The following VIL1 variants were observed in gnomAD, a reference collection of about 807,000 sequenced individuals.
VIL1 encodes the protein villin 1.
A neutral mutation model predicts 104.0 loss-of-function variants in VIL1; 86 were observed. The observed-to-expected ratio is 0.83, with a 90% CI of 0.69 to 0.99. The LOEUF (loss-of-function observed/expected upper bound fraction) is 0.99, where lower values mean the gene tolerates loss of function less well. Ranked by LOEUF, VIL1 falls within the 50% of genes least tolerant of loss-of-function variation. VIL1 has a pLI of 0.00. For missense variants in VIL1, 944 were observed against 1,054.1 expected, an observed-to-expected ratio of 0.90 and a Z score of 1.45; for synonymous variants, 394 against 412.6, an observed-to-expected ratio of 0.95 and a Z score of 0.55.
At position 218,452,834 on chromosome 2, in the gene VIL1, G is replaced by A. The variant is rs567976270; in HGVS notation, c.*3498G>A. ...CAGTGCCTCTCAAATGCAAAGACAC[G>A]TAAAAGAATTAATAACTAGCCAAAG... On this transcript the variant is annotated 3_prime_UTR_variant, in exon 20 of 20. Transcript: ENST00000248444. 5.3e-5 allele frequency: 8 copies of A among 152,228 alleles called. No homozygotes were observed. The highest frequency in any genetic ancestry group is 8.8e-5 in the Non-Finnish European group (6 of 68,012). The allele number at this position is 152,228 out of a possible 1,614,324, so 9.4% of individuals were successfully genotyped here.
Position 218,435,344 on chromosome 2 carries a change from G to A in VIL1, c.1736G>A (p.Arg579Gln), listed in dbSNP as rs370562667. 8.1e-6 allele frequency: 13 copies of A among 1,614,070 alleles called. No homozygotes were observed. The African/African-American group carries it at 1.2e-4, about 15-fold the overall frequency. ...MAKMVADTIS[R>Q]TEKQVVVEGQ... ...AAGATGGTTGCTGACACCATCTCCCGGACGGAGAAGCAAGTGGTGGTGGAA... is the reference window on the plus strand; with the variant it reads ...AAGATGGTTGCTGACACCATCTCCCAGACGGAGAAGCAAGTGGTGGTGGAA... Residue 579 changes from arginine (R) to glutamine (Q), a missense_variant, in exon 15 of 20, where the codon CGG becomes CAG. Transcript: ENST00000248444.
At chr2:218,443,683 C>A (rs900213310) in intron 19 of VIL1, among the ~76,000 whole-genome samples, 4 of 151,898 alleles carry the variant, frequency 2.6e-5, no homozygotes, top group African/African-American at 9.7e-5. Context: ...GAGACAGAGC[C>A]TCTTTCTGTT....
intron 13 of VIL1, among the ~76,000 whole-genome samples, chr2:218,433,893 G>A (rs6436057): frequency 0.072 from 10,184 of 142,274 alleles, 504 homozygotes; most frequent in Middle Eastern, 0.12. Context: ...GCGAGACTCC[G>A]TCTCAAGGAA....
intron 15 of VIL1, 35 bp from the exon 16 acceptor site, chr2:218,436,447 C>T (rs751923829): frequency 1.9e-6 from 3 of 1,601,552 alleles, no homozygotes; most frequent in Non-Finnish European, 1.7e-6. Flanking sequence ...GCCACACCTT[C>T]CTTCTGCCAG....
At position 218,432,153 on chromosome 2, in the gene VIL1, G is replaced by A. The variant is rs764987788; in HGVS notation, c.1311G>A (p.Glu437=). Residue 437 remains glutamate, a synonymous_variant, in exon 12 of 20, where the codon GAG becomes GAA. Transcript: ENST00000248444. ...YLLLYTYLIG[E]KQHYLLYVWQ... ...TGCTCTACACCTACCTCATCGGCGA[G>A]AAGCAGCATTACCTGCTCTACGTTT... 1.9e-6 allele frequency: 3 copies of A among 1,613,964 alleles called. No individual in the cohort carries two copies. The highest frequency in any genetic ancestry group is 1.7e-4 in the Middle Eastern group (1 of 6,016).
At position 218,438,641 on chromosome 2, in the gene VIL1, ATTTAC is replaced by A; in HGVS notation, c.2161-12_2161-8del. 1 of 1,607,246 alleles carries A rather than the reference ATTTAC, an allele frequency of 6.2e-7. No homozygotes were observed. The highest frequency in any genetic ancestry group is 1.3e-5 in the African/African-American group (1 of 74,962). The stretch of plus-strand genomic sequence containing the variant: ...TGCTGAGATCCAGGTCTAATCTGTT[ATTTAC>A]TTTATGTGCAGAACACCAAATCCTA... On this transcript the variant is annotated splice_polypyrimidine_tract_variant and intron_variant, in intron 17 of 19. Coordinates refer to ENST00000248444, the MANE Select transcript of VIL1 (RefSeq NM_007127.3).
intron 1 of VIL1, among the ~76,000 whole-genome samples, chr2:218,420,578 G>GTTTT (rs71064448): frequency 7.6e-6 from 1 of 131,262 alleles, no homozygotes; most frequent in Non-Finnish European, 1.7e-5. Context: ...ATGAGTATTT[G>GTTTT]TTTTTTTTTT....
In VIL1 at chr2:218,422,118, G is replaced by C. The variant is rs1047312285; in HGVS notation, c.-11-1650G>C. 3.9e-5 allele frequency among the ~76,000 whole-genome samples: 6 copies of C among 152,268 alleles called. No homozygotes were observed. In the East Asian group the frequency reaches 1.2e-3, roughly 29 times the overall value. On this transcript the variant is annotated intron_variant, in intron 1 of 19. Coordinates refer to ENST00000248444, the MANE Select transcript of VIL1 (RefSeq NM_007127.3). ...AAAAATACAAAAATTAGCTGGGCTT[G>C]GTGGCTCGCGCCTGTAATCCCAGCT... is the stretch of plus-strand genomic sequence containing the variant.
At chr2:218,428,658 C>T (rs1201923722) in intron 6 of VIL1, among the ~76,000 whole-genome samples, 3 of 152,024 alleles carry the variant, frequency 2.0e-5, no homozygotes, top group African/African-American at 7.3e-5. Flanking sequence ...AGACTGCAGG[C>T]ATGTTTGGGT....
intron 1 of VIL1, 125 bp from the exon 2 acceptor site, chr2:218,423,643 C>A: frequency 1.2e-6 from 1 of 844,690 alleles, no homozygotes; most frequent in Non-Finnish European, 1.9e-6. Flanking sequence ...GGGGAGTAAC[C>A]CTCTGTGCTC....
At chr2:218,430,322 T>C (rs1036559997) in intron 9 of VIL1, among the ~76,000 whole-genome samples, 4 of 152,066 alleles carry the variant, frequency 2.6e-5, no homozygotes, top group Non-Finnish European at 4.4e-5. Context: ...AAGTCAGAGT[T>C]TGGGGTCATT....
chr2:218,433,513 G>A (rs1286672472), intron 13 of VIL1, among the ~76,000 whole-genome samples: 1 of 152,150 alleles, frequency 6.6e-6, no homozygotes, highest in Non-Finnish European at 1.5e-5. Context: ...TGAGGTGGGT[G>A]GATCACCTGA....
At chr2:218,419,361 T>C (rs1688862548) in intron 1 of VIL1, among the ~76,000 whole-genome samples, 193 bp downstream of exon 1, 1 of 152,084 alleles carries the variant, frequency 6.6e-6, no homozygotes. Context: ...GGAGAGACTT[T>C]TGCAGGCCCT....
In VIL1 at chr2:218,451,951, A is replaced by G. The variant is rs1350965095; in HGVS notation, c.*2615A>G. The stretch of plus-strand genomic sequence containing the variant: ...ATTCTATCCTGCTGAGACAAAACTC[A>G]TGAGTGTGCACACACATGTGAATAT... On this transcript the variant is annotated 3_prime_UTR_variant, in exon 20 of 20. Transcript: ENST00000248444. 1 of 152,668 alleles carries G rather than the reference A, an allele frequency of 6.6e-6. No individual in the cohort carries two copies. The highest frequency in any genetic ancestry group is 2.4e-5 in the African/African-American group (1 of 41,462). 9.5% of individuals were successfully genotyped at this position (152,668 alleles called of 1,614,324 possible). A position where few individuals can be genotyped will look rare whatever the true frequency, so the allele number is the denominator to read the frequency against.
At chr2:218,437,788 C>A (rs539350217) in intron 17 of VIL1, among the ~76,000 whole-genome samples, 12 of 152,278 alleles carry the variant, frequency 7.9e-5, no homozygotes, top group African/African-American at 2.4e-4. Flanking sequence ...CAAAATGGGT[C>A]ATGTGTGTGG....
chr2:218,419,188 A>C lies in VIL1; in HGVS notation c.-12+20A>C, dbSNP rs1688859855. On this transcript the variant is annotated intron_variant, in intron 1 of 19. Coordinates refer to ENST00000248444, the MANE Select transcript of VIL1 (RefSeq NM_007127.3). Reference sequence around the variant, plus strand: ...AGACAGGTAAGGCAACCTGGTGGGAACACATGGAGACCTTAGGTGGTGCGA... The same window carrying C: ...AGACAGGTAAGGCAACCTGGTGGGACCACATGGAGACCTTAGGTGGTGCGA... 6.6e-6 allele frequency: 1 copy of C among 152,228 alleles called. No homozygotes were observed. The highest frequency in any genetic ancestry group is 1.5e-5 in the Non-Finnish European group (1 of 68,036). The allele number at this position is 152,228 out of a possible 1,614,324, so 9.4% of individuals were successfully genotyped here. A position where few individuals can be genotyped will look rare whatever the true frequency, so the allele number is the denominator to read the frequency against.
chr2:218,441,057 TAAGTGCCAGAAAGGTG>T (rs1375875725), intron 19 of VIL1, among the ~76,000 whole-genome samples, 195 bp downstream of exon 19: 3 of 152,294 alleles, frequency 2.0e-5, no homozygotes, highest in Middle Eastern at 3.4e-3. Flanking sequence ...ATTTCAGGGT[TAAGTGCCAGAAAGGTG>T]AAGTACAGGA....
chr2:218,424,305 G>C lies in VIL1; in HGVS notation c.104G>C (p.Ser35Thr). The C allele has an allele frequency of 6.2e-7, 1 of 1,613,994 alleles. No individual in the cohort carries two copies. Among genetic ancestry groups the C allele is most frequent in the Non-Finnish European group, 8.5e-7 (1 of 1,180,010 alleles). The change falls in exon 3 of 20, where the codon AGC becomes ACC. Residue 35 changes from serine to threonine, a missense_variant. Coordinates refer to ENST00000248444, the MANE Select transcript of VIL1 (RefSeq NM_007127.3). The part of the protein sequence containing the change: ...EAMQMVPVPS[S>T]TFGSFFDGDC... Reference sequence around the variant, plus strand: ...ATGCAGATGGTGCCTGTTCCTTCCAGCACCTTTGGAAGCTTCTTCGATGGT... The same window carrying C: ...ATGCAGATGGTGCCTGTTCCTTCCACCACCTTTGGAAGCTTCTTCGATGGT...
In VIL1 at chr2:218,428,917, G is replaced by A. The variant is rs562286583; in HGVS notation, c.568-368G>A. On this transcript the variant is annotated intron_variant, in intron 6 of 19. Transcript: ENST00000248444. ...ACTCCTGATCTCAGGTGATCCACCC[G>A]CCTCGGCCTCCCAGAGTGTTGGGAT... Among the ~76,000 whole-genome samples the A allele has an allele frequency of 4.6e-5, 7 of 152,258 alleles. No homozygotes were observed. In the East Asian group the frequency reaches 7.7e-4, roughly 17 times the overall value.
Sources: allele counts gnomAD v4.1 joint callset (sites outside exome capture counted in the v4.1 genomes callset), GRCh38; gene constraint gnomAD v4.1.1; transcripts MANE v1.5; gene names NCBI Gene and HGNC (gene_info 2026-07-23, HGNC 2026-07-21).